Variants in GPC6 observed in about 807,000 individuals in gnomAD.
GPC6 encodes the protein glypican 6.
Under a neutral mutation model 55.2 loss-of-function variants are expected in GPC6, and 14 were observed. The ratio of observed to expected loss-of-function variants is 0.25; its 90% CI spans 0.17 to 0.40. The LOEUF is 0.40. Ranked by LOEUF, GPC6 falls within the 10% of genes least tolerant of loss-of-function variation. GPC6 has a pLI of 1.00. For missense variants in GPC6, 641 were observed against 708.5 expected (o/e 0.90, Z 1.08); for synonymous variants, 278 against 259.6 (o/e 1.07, Z -0.68).
rs766960019 is a variant in GPC6 at position 93,977,509 on chromosome 13, TGTGTGTGTGG to T, written c.712-50219_712-50210del. The stretch of plus-strand genomic sequence containing the variant: ...GTGTGTGTGTGTGTGTGTGTGTGTG[TGTGTGTGTGG>T]TGTGTCTTTATTTGTGGTTATTTCA... On this transcript the variant is annotated intron_variant, in intron 3 of 8. Coordinates refer to ENST00000377047, the MANE Select transcript of GPC6 (RefSeq NM_005708.5). 5.3e-3 allele frequency among the ~76,000 whole-genome samples: 741 copies of T among 139,036 alleles called. 5 individuals carry two copies. Among genetic ancestry groups the T allele is most frequent in the East Asian group, 0.021 (96 of 4,598 alleles). The allele number at this position is 139,036 out of a possible 152,430, so 91.2% of individuals were successfully genotyped here.
intron 4 of GPC6, among the ~76,000 whole-genome samples, chr13:94,278,050 G>A (rs980670300): frequency 2.6e-5 from 4 of 152,090 alleles, no homozygotes; most frequent in Non-Finnish European, 4.4e-5. Flanking sequence ...TCATGATATT[G>A]GTTCTTCCTA....
chr13:94,226,814 G>A (rs1890573390), intron 4 of GPC6, among the ~76,000 whole-genome samples: 1 of 152,170 alleles, frequency 6.6e-6, no homozygotes, highest in Admixed American at 6.6e-5. Context: ...TGCTGAAGAA[G>A]CTGGAAGCCT....
intron 4 of GPC6, among the ~76,000 whole-genome samples, chr13:94,243,841 G>A (rs759221907): frequency 3.3e-4 from 50 of 152,108 alleles, no homozygotes; most frequent in Non-Finnish European, 6.5e-4. Flanking sequence ...CCAGATGAGG[G>A]TAAGTAACAA....
chr13:94,315,605 T>G (rs1405455745), intron 6 of GPC6, among the ~76,000 whole-genome samples: 1 of 152,030 alleles, frequency 6.6e-6, no homozygotes, highest in Non-Finnish European at 1.5e-5. Context: ...GTGCCTCACA[T>G]AGAGAGAGAA....
At chr13:93,588,878 A>C (rs1877332510) in intron 2 of GPC6, among the ~76,000 whole-genome samples, 1 of 152,128 alleles carries the variant, frequency 6.6e-6, no homozygotes, top group South Asian at 2.1e-4. Context: ...ATAGATTGTG[A>C]AGGTTGCCTT....
At chr13:93,441,771 G>A (rs961558579) in intron 1 of GPC6, among the ~76,000 whole-genome samples, 1 of 152,146 alleles carries the variant, frequency 6.6e-6, no homozygotes, top group Non-Finnish European at 1.5e-5. Context: ...CCTTGCCCAT[G>A]CCTGTGTCCT....
At chr13:93,823,086 A>G (rs1041824286) in intron 2 of GPC6, among the ~76,000 whole-genome samples, 1 of 151,664 alleles carries the variant, frequency 6.6e-6, no homozygotes, top group African/African-American at 2.4e-5. Context: ...GACGGTCTCG[A>G]TCTCCTGGCC....
At chr13:93,387,967 A>G (rs1465881379) in intron 1 of GPC6, among the ~76,000 whole-genome samples, 3 of 152,164 alleles carry the variant, frequency 2.0e-5, no homozygotes, top group Non-Finnish European at 4.4e-5. Context: ...TATATATCAC[A>G]TGTGACTATC....
chr13:93,852,195 T>C (rs1888428045), intron 3 of GPC6, among the ~76,000 whole-genome samples: 2 of 151,788 alleles, frequency 1.3e-5, no homozygotes, highest in Admixed American at 1.3e-4. Context: ...CTCATTACAC[T>C]GCTAGGCATT....
chr13:93,398,923 T>C (rs1594142312), intron 1 of GPC6, among the ~76,000 whole-genome samples: 1 of 152,158 alleles, frequency 6.6e-6, no homozygotes, highest in Non-Finnish European at 1.5e-5. Context: ...CTACTAATGG[T>C]ATTCCATGAT....
At chr13:93,218,963 G>T in the GPC6 span, among the ~76,000 whole-genome samples, 1 of 152,036 alleles carries the variant, frequency 6.6e-6, no homozygotes, top group Admixed American at 6.6e-5. Context: ...AATCAGCCTG[G>T]TTGTTGGTAT....
intron 3 of GPC6, among the ~76,000 whole-genome samples, chr13:93,858,466 A>G (rs927009846): frequency 7.9e-5 from 12 of 151,766 alleles, no homozygotes; most frequent in African/African-American, 2.7e-4. Context: ...AAGATGGAAG[A>G]CTGGATGAGA....
At chr13:94,239,027 T>G (rs1223767022) in intron 4 of GPC6, among the ~76,000 whole-genome samples, 1 of 152,174 alleles carries the variant, frequency 6.6e-6, no homozygotes, top group African/African-American at 2.4e-5. Context: ...TTCACACATT[T>G]TACTGCTCTT....
chr13:93,869,324 C>T (rs1173301976), intron 3 of GPC6, among the ~76,000 whole-genome samples: 2 of 151,794 alleles, frequency 1.3e-5, no homozygotes, highest in African/African-American at 4.8e-5. Flanking sequence ...AGAGATGTGG[C>T]ATGTGTTTGC....
intron 3 of GPC6, among the ~76,000 whole-genome samples, chr13:93,994,814 C>T (rs1204826432): frequency 1.3e-5 from 2 of 152,300 alleles, no homozygotes; most frequent in East Asian, 3.9e-4. Flanking sequence ...AATGGGCACA[C>T]TTATTCATTT....
intron 1 of GPC6, among the ~76,000 whole-genome samples, chr13:93,499,144 G>A (rs1880428624): frequency 6.6e-6 from 1 of 151,270 alleles, no homozygotes; most frequent in Non-Finnish European, 1.5e-5. Context: ...CATGTTTTGA[G>A]GGCAAAGGCA....
At chr13:93,925,457 A>G (rs559337034) in intron 3 of GPC6, among the ~76,000 whole-genome samples, 1 of 152,214 alleles carries the variant, frequency 6.6e-6, no homozygotes, top group Non-Finnish European at 1.5e-5. Context: ...GTTGGTTATA[A>G]GAAGTAGTTT....
intron 3 of GPC6, among the ~76,000 whole-genome samples, chr13:93,958,464 A>C (rs79299640): frequency 0.018 from 2,676 of 152,168 alleles, 76 homozygotes; most frequent in East Asian, 0.12. Flanking sequence ...TCCTTTTCCC[A>C]TTGCTCGTTT....
intron 4 of GPC6, among the ~76,000 whole-genome samples, chr13:94,185,917 G>C (rs368938005): frequency 7.2e-5 from 11 of 151,784 alleles, no homozygotes; most frequent in African/African-American, 2.7e-4. Flanking sequence ...AAAATTAGCC[G>C]GGCTTGGTGG....
Sources: allele counts gnomAD v4.1 joint callset (sites outside exome capture counted in the v4.1 genomes callset), GRCh38; gene constraint gnomAD v4.1.1; transcripts MANE v1.5; gene names NCBI Gene and HGNC (gene_info 2026-07-23, HGNC 2026-07-21).